Variants in HEATR1 observed in about 807,000 individuals in gnomAD.
HEATR1 encodes HEAT repeat-containing protein 1.
In HEATR1, 77 loss-of-function variants were observed where a neutral mutation model predicts 248.2. The observed-to-expected ratio is 0.31, with a 90% CI of 0.26 to 0.37. The LOEUF is 0.37. Ranked by LOEUF, HEATR1 falls within the 10% of genes least tolerant of loss-of-function variation. The pLI, the probability that HEATR1 is intolerant of heterozygous loss-of-function variation, is 1.00. For synonymous variants in HEATR1, 897 were observed against 923.1 expected, an observed-to-expected ratio of 0.97 and a Z score of 0.51; for missense variants, 2,420 against 2,504.9, an observed-to-expected ratio of 0.97 and a Z score of 0.72.
intron 17 of HEATR1, among the ~76,000 whole-genome samples, chr1:236,583,767 G>A (rs771886763): frequency 2.6e-5 from 4 of 152,098 alleles, no homozygotes; most frequent in Admixed American, 6.6e-5. Context: ...GATTATAGGC[G>A]TGAGCTACCG....
rs746105050 is a variant in HEATR1, at chr1:236,565,959, A to G, written c.4395T>C (p.Asn1465=). 1.2e-6 allele frequency: 2 copies of G among 1,614,026 alleles called. No homozygotes were observed. The highest frequency in any genetic ancestry group is 4.5e-5 in the East Asian group (2 of 44,866). The part of the protein sequence containing the change: ...SVQHQIQSLM[N]ILQYLLKLPE... Reference sequence around the variant, plus strand: ...GCAGCTTTAGTAAGTACTGGAGGATATTCATCAAGCTTTGTATCTGATGCT... The same window carrying G: ...GCAGCTTTAGTAAGTACTGGAGGATGTTCATCAAGCTTTGTATCTGATGCT... Residue 1465 remains asparagine (N), a synonymous_variant, in exon 31 of 45, where the codon AAT becomes AAC. Coordinates refer to ENST00000366582, the MANE Select transcript of HEATR1 (RefSeq NM_018072.6).
At position 236,561,252 on chromosome 1, in the gene HEATR1, G is replaced by A; in HGVS notation, c.4619C>T (p.Pro1540Leu). Residue 1540 changes from proline (P) to leucine (L), a missense_variant, in exon 33 of 45, where the codon CCT (proline) becomes CTT (leucine). Physicochemically the swap from Pro to Leu is moderately conservative, Grantham distance 98 (BLOSUM62 -3). Coordinates refer to ENST00000366582, the MANE Select transcript of HEATR1 (RefSeq NM_018072.6). ...FLKKVVESGG[P>L]EILKGLEERL... ...CTCTTCAAGGCCTTTTAAAATCTCA[G>A]GACCACCACTCTCAACTACCTAATT... The A allele has an allele frequency of 6.2e-7, 1 of 1,610,412 alleles. No homozygotes were observed. Among genetic ancestry groups the A allele is most frequent in the Non-Finnish European group, 8.5e-7 (1 of 1,176,874 alleles).
In HEATR1 at chr1:236,550,805, TAAGGCACCAA is replaced by T; in HGVS notation, c.*87_*96del. On this transcript the variant is annotated 3_prime_UTR_variant, in exon 45 of 45. Transcript: ENST00000366582. ...TTGTAAGTAATCCAAGTAGGTGTAT[TAAGGCACCAA>T]AAGTAACATGGCACCCAACACCCAA... 1.1e-6 allele frequency: 1 copy of T among 880,504 alleles called. No individual in the cohort carries two copies. 54.5% of individuals were successfully genotyped at this position (880,504 alleles called of 1,614,324 possible).
intron 2 of HEATR1, among the ~76,000 whole-genome samples, chr1:236,603,699 T>C (rs887158878): frequency 2.0e-5 from 3 of 151,706 alleles, no homozygotes; most frequent in African/African-American, 7.3e-5. Flanking sequence ...TAGCTGTTCT[T>C]CTCTTTGACA....
intron 29 of HEATR1, 87 bp downstream of exon 29, chr1:236,568,909 A>C (rs1663347471): frequency 2.1e-6 from 2 of 969,088 alleles, no homozygotes; most frequent in African/African-American, 1.8e-5. Flanking sequence ...AAAAAAAAAA[A>C]ACTAAAAAAA....
Position 236,583,130 on chromosome 1 carries a change from G to A in HEATR1, c.2308C>T (p.His770Tyr). The change falls in exon 18 of 45, where the codon CAT becomes TAT. Residue 770 changes from histidine (H) to tyrosine (Y), a missense_variant. His to Tyr is a moderately conservative substitution (Grantham distance 83, BLOSUM62 2). Coordinates refer to ENST00000366582, the MANE Select transcript of HEATR1 (RefSeq NM_018072.6). ...GTGCTGTTGAGCTCTTCTACATAAT[G>A]TGCCCACAGCTCCACTGGGATCCCT... Reference protein sequence around the residue: ...DRGIPVELWAHYVEELNSTQR... With the variant: ...DRGIPVELWAYYVEELNSTQR... The A allele has an allele frequency of 6.2e-7, 1 of 1,613,934 alleles. No individual in the cohort carries two copies.
chr1:236,591,661 C>T (rs530168859), intron 11 of HEATR1, among the ~76,000 whole-genome samples: 1 of 152,232 alleles, frequency 6.6e-6, no homozygotes, highest in Non-Finnish European at 1.5e-5. Flanking sequence ...CACTGGAAAG[C>T]ATAGACCTAG....
chr1:236,564,455 C>G (rs779438924), intron 32 of HEATR1, 43 bp downstream of exon 32: 4 of 1,573,046 alleles, frequency 2.5e-6, no homozygotes, highest in Admixed American at 1.7e-5. Context: ...TCCTTGGAGA[C>G]AGCAGAATAC....
chr1:236,563,661 G>A (rs982380630), intron 32 of HEATR1, among the ~76,000 whole-genome samples: 6 of 152,112 alleles, frequency 3.9e-5, no homozygotes. Context: ...ATCTGTTAAC[G>A]CATTATAGGA....
At position 236,554,755 on chromosome 1, in the gene HEATR1, G is replaced by A. The variant is rs1412746244; in HGVS notation, c.5924-3C>T. 4 of 1,607,784 alleles carry A rather than the reference G, an allele frequency of 2.5e-6. No individual in the cohort carries two copies. The highest frequency in any genetic ancestry group is 1.3e-5 in the African/African-American group (1 of 74,528). ...TTCAGAGTCAAAAAATGCTTCATCT[G>A]TAGACGTGGGAAGAGTAAAAATGAA... On this transcript the variant is annotated splice_region_variant and splice_polypyrimidine_tract_variant and intron_variant, in intron 41 of 44. Coordinates refer to ENST00000366582, the MANE Select transcript of HEATR1 (RefSeq NM_018072.6).
intron 28 of HEATR1, among the ~76,000 whole-genome samples, chr1:236,570,212 C>A: frequency 6.6e-6 from 1 of 152,170 alleles, no homozygotes; most frequent in East Asian, 1.9e-4. Flanking sequence ...TGGCATGAAC[C>A]CAAGAGGCAG....
rs750920062 is a variant in HEATR1, at chr1:236,569,097, T to C, written c.3976A>G (p.Ile1326Val). ...PDKVLHNIMSIFTFMGANVMR... is the reference protein window; with the variant it reads ...PDKVLHNIMSVFTFMGANVMR... Reference sequence around the variant, plus strand: ...ACATTGGCTCCCATAAATGTAAAAATAGACATGATATTGTGTAAAACTTTA... The same window carrying C: ...ACATTGGCTCCCATAAATGTAAAAACAGACATGATATTGTGTAAAACTTTA... The change falls in exon 29 of 45, where the codon ATT (isoleucine) becomes GTT (valine). Residue 1326 changes from isoleucine to valine, a missense_variant. Physicochemically the swap from Ile to Val is conservative, Grantham distance 29. Transcript: ENST00000366582. 13 of 1,598,040 alleles carry C rather than the reference T, an allele frequency of 8.1e-6. No individual in the cohort carries two copies. The African/African-American group carries it at 9.5e-5, about 12-fold the overall frequency.
chr1:236,603,893 A>C (rs1456435039), intron 2 of HEATR1, 61 bp downstream of exon 2: 32 of 1,557,920 alleles, frequency 2.1e-5, no homozygotes, highest in Non-Finnish European at 2.6e-5. Context: ...AAAAAAAAAA[A>C]ACAGTAACAT....
chr1:236,559,236 C>T (rs951553094), intron 34 of HEATR1, 101 bp from the exon 35 acceptor site: 1 of 781,652 alleles, frequency 1.3e-6, no homozygotes, highest in African/African-American at 1.8e-5. Flanking sequence ...CCTCCAGGCA[C>T]CAGGCACTTC....
intron 28 of HEATR1, among the ~76,000 whole-genome samples, chr1:236,570,647 G>A (rs1484010371): frequency 6.6e-6 from 1 of 152,046 alleles, no homozygotes; most frequent in African/African-American, 2.4e-5. Flanking sequence ...GAATTTTATG[G>A]CATCTGAACT....
chr1:236,592,140 A>C (rs1323171723), intron 10 of HEATR1, 30 bp from the exon 11 acceptor site: 1 of 1,128,846 alleles, frequency 8.9e-7, no homozygotes, highest in Non-Finnish European at 1.3e-6. Context: ...TGAATTCATT[A>C]TTCTTAATAA....
At chr1:236,589,513 T>C (rs1002653219) in intron 12 of HEATR1, among the ~76,000 whole-genome samples, 1 of 152,164 alleles carries the variant, frequency 6.6e-6, no homozygotes, top group Non-Finnish European at 1.5e-5. Flanking sequence ...TTTTTAAATC[T>C]ACAAGGGAAA....
chr1:236,570,337 C>G (rs899045880), intron 28 of HEATR1, among the ~76,000 whole-genome samples: 5 of 152,090 alleles, frequency 3.3e-5, no homozygotes, highest in African/African-American at 1.2e-4. Context: ...CAAAAGAAAC[C>G]AGACACAGAG....
At chr1:236,572,136 T>C (rs894685632) in intron 26 of HEATR1, among the ~76,000 whole-genome samples, 2 of 152,148 alleles carry the variant, frequency 1.3e-5, no homozygotes, top group Non-Finnish European at 2.9e-5. Context: ...TATCTTGAAA[T>C]GCAAGTAATG....
Sources: allele counts gnomAD v4.1 joint callset (sites outside exome capture counted in the v4.1 genomes callset), GRCh38; gene constraint gnomAD v4.1.1; transcripts MANE v1.5; gene names NCBI Gene and HGNC (gene_info 2026-07-23, HGNC 2026-07-21).